ADGRL1: variants seen among roughly 807,000 people sequenced by gnomAD.
The protein encoded by ADGRL1 is CIRL-1.
In ADGRL1, 31 loss-of-function variants were observed where a neutral mutation model predicts 148.9. That is an observed-to-expected ratio of 0.21 (90% CI 0.16 to 0.28). The LOEUF (loss-of-function observed/expected upper bound fraction) is 0.28, where lower values mean the gene tolerates loss of function less well. Ranked by LOEUF, ADGRL1 falls within the 10% of genes least tolerant of loss-of-function variation. The pLI is 1.00. For synonymous variants in ADGRL1, 937 were observed against 900.3 expected, an observed-to-expected ratio of 1.04 and a Z score of -0.73; for missense variants, 1,521 against 2,058.8, an observed-to-expected ratio of 0.74 and a Z score of 5.05.
rs572549102 is a variant in ADGRL1, at chr19:14,172,699, C to T, written c.285-1908G>A. Among the ~76,000 whole-genome samples the T allele has an allele frequency of 8.5e-5, 13 of 152,132 alleles. No individual in the cohort carries two copies. The South Asian group carries it at 1.0e-3, about 12-fold the overall frequency. On this transcript the variant is annotated intron_variant, in intron 3 of 22. Transcript: ENST00000361434. ...AGGTTGCAGTGAGCCGAGATCGCAC[C>T]GCTGTACTCCAGAAGTAGACAATTC...
intron 1 of ADGRL1, among the ~76,000 whole-genome samples, 193 bp downstream of exon 1, chr19:14,205,792 G>A (rs908128310): frequency 6.6e-6 from 1 of 151,590 alleles, no homozygotes; most frequent in Non-Finnish European, 1.5e-5. Context: ...TCGCCAGTGG[G>A]GGTGAGGTGC....
chr19:14,197,860 C>A (rs1350129869), intron 1 of ADGRL1, among the ~76,000 whole-genome samples: 1 of 152,026 alleles, frequency 6.6e-6, no homozygotes, highest in Non-Finnish European at 1.5e-5. Context: ...TGAAATAGAC[C>A]CAAAAAGCAG....
At chr19:14,169,038 C>T (rs1046545569) in intron 4 of ADGRL1, 3 of 152,280 alleles carry the variant, frequency 2.0e-5, no homozygotes, top group African/African-American at 7.2e-5. Context: ...TGTGGCTTCC[C>T]AGGGAAGGCT....
At position 14,161,293 on chromosome 19, in the gene ADGRL1, C is replaced by T. The variant is rs1407768042; in HGVS notation, c.1510+19G>A. On this transcript the variant is annotated intron_variant, in intron 6 of 22. Coordinates refer to ENST00000361434, the MANE Select transcript of ADGRL1 (RefSeq NM_014921.5). The surrounding 1 kb of genome is among the most constrained non-coding windows in gnomAD (Gnocchi z 4.4). The stretch of plus-strand genomic sequence containing the variant: ...GGCATGGCCCCCATCCCTCCCCTGG[C>T]TGCAGCCTCTGTACTCACCTCGAGT... 6.5e-7 allele frequency: 1 copy of T among 1,537,372 alleles called. No individual in the cohort carries two copies.
chr19:14,161,641 C>T lies in ADGRL1; in HGVS notation c.1196-15G>A, dbSNP rs541187176. On this transcript the variant is annotated splice_polypyrimidine_tract_variant and intron_variant, in intron 5 of 22. Transcript: ENST00000361434. The surrounding 1 kb of genome is among the most constrained non-coding windows in gnomAD (Gnocchi z 4.4). ...AGTGGCTGGGCCTGGAGAGGGGATA[C>T]GAGACAGGGTCATCCCCATGCTCAG... 20 of 1,388,890 alleles carry T rather than the reference C, an allele frequency of 1.4e-5. No homozygotes were observed. Among genetic ancestry groups the T allele is most frequent in the South Asian group, 1.0e-4 (6 of 58,674 alleles). 86.0% of individuals were successfully genotyped at this position (1,388,890 alleles called of 1,614,324 possible). A position where few individuals can be genotyped will look rare whatever the true frequency, so the allele number is the denominator to read the frequency against.
At chr19:14,192,279 C>A (rs1325029779) in intron 1 of ADGRL1, among the ~76,000 whole-genome samples, 1 of 151,802 alleles carries the variant, frequency 6.6e-6, no homozygotes, top group African/African-American at 2.4e-5. Context: ...TTCACTCTGT[C>A]GCTCAGGCTG....
At chr19:14,180,492 G>C (rs1277867667) in intron 2 of ADGRL1, among the ~76,000 whole-genome samples, 1 of 151,974 alleles carries the variant, frequency 6.6e-6, no homozygotes, top group Non-Finnish European at 1.5e-5. Flanking sequence ...CTGACCTCAG[G>C]TGATCCGCCC....
intron 1 of ADGRL1, among the ~76,000 whole-genome samples, chr19:14,190,247 C>T (rs556767790): frequency 1.3e-5 from 2 of 151,680 alleles, no homozygotes; most frequent in East Asian, 3.9e-4. Flanking sequence ...TTATAGTCAC[C>T]ATGCTGTACC....
rs751263344 is a variant in ADGRL1 at position 14,155,438 on chromosome 19, A to G, written c.3215T>C (p.Val1072Ala). The G allele has an allele frequency of 6.2e-7, 1 of 1,614,118 alleles. No homozygotes were observed. The highest frequency in any genetic ancestry group is 1.1e-5 in the South Asian group (1 of 91,076). ...GAAGGTGGTGAAGAGATAGGCCATG[A>G]CCACCGACTCCTTGTTGATGAAGAG... is the stretch of plus-strand genomic sequence containing the variant. The part of the protein sequence containing the change: ...GLLFINKESV[V>A]MAYLFTTFNA... Residue 1072 changes from valine (V) to alanine (A), a missense_variant, in exon 18 of 23, where the codon GTC (valine) becomes GCC (alanine). Around this residue, in one of 8 missense-constraint regions of ADGRL1, gnomAD observed 185 missense variants for 251.7 expected, o/e 0.74. Coordinates refer to ENST00000361434, the MANE Select transcript of ADGRL1 (RefSeq NM_014921.5). The surrounding 1 kb of genome is among the most constrained non-coding windows in gnomAD (Gnocchi z 5.0).
At chr19:14,182,615 GCCT>G (rs954126380) in intron 2 of ADGRL1, among the ~76,000 whole-genome samples, 12 of 152,156 alleles carry the variant, frequency 7.9e-5, no homozygotes, top group African/African-American at 2.2e-4. Flanking sequence ...AGCACCATCT[GCCT>G]CCTCATCTAA....
At chr19:14,174,319 C>A (rs1490000515) in intron 3 of ADGRL1, among the ~76,000 whole-genome samples, 1 of 152,098 alleles carries the variant, frequency 6.6e-6, no homozygotes, top group Admixed American at 6.6e-5. Flanking sequence ...AGGGCACCCT[C>A]GGCAGGGGTG....
Position 14,159,977 on chromosome 19 carries a change from AG to A in ADGRL1, c.1800+134del, listed in dbSNP as rs137926219. On this transcript the variant is annotated intron_variant, in intron 8 of 22. Coordinates refer to ENST00000361434, the MANE Select transcript of ADGRL1 (RefSeq NM_014921.5). The surrounding 1 kb of genome is among the most constrained non-coding windows in gnomAD (Gnocchi z 6.0). The stretch of plus-strand genomic sequence containing the variant: ...TGAGACCCGGCAGTCCTTGGCGGAG[AG>A]GGGGGGGTCCTTCCTCTCTGAGGAA... 1.8e-4 allele frequency: 189 copies of A among 1,042,496 alleles called. No individual in the cohort carries two copies. Among genetic ancestry groups the A allele is most frequent in the East Asian group, 2.3e-4 (9 of 38,712 alleles). The allele number at this position is 1,042,496 out of a possible 1,614,324, so 64.6% of individuals were successfully genotyped here.
intron 3 of ADGRL1, among the ~76,000 whole-genome samples, chr19:14,174,837 GTTTTTT>G (rs34608406): frequency 2.7e-5 from 3 of 110,580 alleles, no homozygotes; most frequent in South Asian, 6.1e-4. Flanking sequence ...CACCTGGTCT[GTTTTTT>G]TTTTTTTTTT....
rs774230405 is a variant in ADGRL1, at chr19:14,160,648, C to G, written c.1559G>C (p.Arg520Pro). 6.2e-7 allele frequency: 1 copy of G among 1,612,900 alleles called. No homozygotes were observed. The highest frequency in any genetic ancestry group is 8.5e-7 in the Non-Finnish European group (1 of 1,179,740). ...CLPALGLWNP[R>P]GPDLSNCTSP... is the part of the protein sequence containing the mutation. ...GGTGCAGTTGCTGAGGTCAGGGCCC[C>G]GGGGGTTCCAGAGCCCCAAGGCTGG... Residue 520 changes from arginine to proline, a missense_variant, in exon 7 of 23, where the codon CGG becomes CCG. By Grantham distance (103) the Arg-to-Pro change is moderately radical. Coordinates refer to ENST00000361434, the MANE Select transcript of ADGRL1 (RefSeq NM_014921.5). The surrounding 1 kb of genome is among the most constrained non-coding windows in gnomAD (Gnocchi z 5.9).
intron 1 of ADGRL1, among the ~76,000 whole-genome samples, chr19:14,190,785 G>A (rs965799321): frequency 1.3e-5 from 2 of 152,022 alleles, no homozygotes; most frequent in African/African-American, 2.4e-5. Flanking sequence ...ATTCCAGAGG[G>A]GTGTTTTAAA....
At chr19:14,191,128 C>T in intron 1 of ADGRL1, 1 of 456,606 alleles carries the variant, frequency 2.2e-6, no homozygotes, top group Non-Finnish European at 4.4e-6. Flanking sequence ...AGTGGTGGGT[C>T]TTCTGCTTTA....
intron 1 of ADGRL1, among the ~76,000 whole-genome samples, chr19:14,188,737 G>A (rs191409186): frequency 1.5e-3 from 231 of 152,296 alleles, no homozygotes; most frequent in Middle Eastern, 6.8e-3. Flanking sequence ...CTTTGCCTCC[G>A]ACGTCCAGGC....
chr19:14,193,921 A>G (rs1201848193), intron 1 of ADGRL1, among the ~76,000 whole-genome samples: 1 of 152,186 alleles, frequency 6.6e-6, no homozygotes, highest in African/African-American at 2.4e-5. Context: ...TTGATCTTGG[A>G]CTTCCAACCT....
chr19:14,163,501 GGGA>G, intron 4 of ADGRL1, 95 bp from the exon 5 acceptor site: 2 of 870,944 alleles, frequency 2.3e-6, no homozygotes, highest in Non-Finnish European at 3.3e-6. Context: ...AGAGAGAGGG[GGGA>G]GAGAGGCAAG....
Sources: allele counts gnomAD v4.1 joint callset (sites outside exome capture counted in the v4.1 genomes callset), GRCh38; gene constraint gnomAD v4.1.1; regional missense constraint gnomAD v4.1.1; non-coding constraint Gnocchi (gnomAD v3.1); transcripts MANE v1.5; gene names NCBI Gene and HGNC (gene_info 2026-07-23, HGNC 2026-07-21).